HPS3: variants seen among roughly 807,000 people sequenced by gnomAD.
HPS3 encodes HPS3 biogenesis of lysosomal organelles complex 2 subunit 1.
A neutral mutation model predicts 110.9 loss-of-function variants in HPS3; 79 were observed. The ratio of observed to expected loss-of-function variants is 0.71; its 90% CI spans 0.59 to 0.86. The LOEUF is 0.86. HPS3 is among the 40% of genes least tolerant of loss of function. The probability of loss-of-function intolerance (pLI) is 0.00; values close to 1 mark genes in which losing one functional copy is unlikely to be tolerated. For synonymous variants in HPS3, 428 were observed against 451.0 expected, an observed-to-expected ratio of 0.95 and a Z score of 0.65; for missense variants, 1,197 against 1,206.2, an observed-to-expected ratio of 0.99 and a Z score of 0.11.
At position 149,162,231 on chromosome 3, in the gene HPS3, A is replaced by C. The variant is rs752352821; in HGVS notation, c.2190A>C (p.Ala730=). Residue 730 remains alanine, a synonymous_variant, in exon 12 of 17, where the codon GCA becomes GCC. Transcript: ENST00000296051. ...GACAGATTGTTCCAACCGAGCTTGC[A>C]CTTCACTTGAAGGAAACTCAGCCTG... ...RKGQIVPTEL[A]LHLKETQPGL... 3 of 1,614,028 alleles carry C rather than the reference A, an allele frequency of 1.9e-6. No homozygotes were observed. The Admixed American group carries it at 5.0e-5, about 27-fold the overall frequency.
chr3:149,171,770 T>C (rs1725016137), intron 16 of HPS3, among the ~76,000 whole-genome samples: 1 of 143,990 alleles, frequency 6.9e-6, no homozygotes, highest in Non-Finnish European at 1.5e-5. Context: ...AGTGGTGCAA[T>C]CTCAACTCAC....
chr3:149,159,900 T>A (rs372523075), intron 10 of HPS3, 146 bp from the exon 11 acceptor site: 1 of 663,968 alleles, frequency 1.5e-6, no homozygotes. Flanking sequence ...AGTTTTTGTC[T>A]TTTTAAAATT....
chr3:149,150,792 T>C lies in HPS3; in HGVS notation c.1245+112T>C, dbSNP rs79198719. On this transcript the variant is annotated intron_variant, in intron 6 of 16. Transcript: ENST00000296051. Reference sequence around the variant, plus strand: ...AGGCAAGAACAAAAGAGCTTAAGGTTGTCTAATGTATTGAATTAGAACTTT... The same window carrying C: ...AGGCAAGAACAAAAGAGCTTAAGGTCGTCTAATGTATTGAATTAGAACTTT... 1,329 of 844,402 alleles carry C rather than the reference T, an allele frequency of 1.6e-3. 10 individuals are homozygous for C. The African/African-American group carries it at 0.019, about 12-fold the overall frequency. The allele number at this position is 844,402 out of a possible 1,614,324, so 52.3% of individuals were successfully genotyped here. A position where few individuals can be genotyped will look rare whatever the true frequency, so the allele number is the denominator to read the frequency against.
intron 4 of HPS3, 145 bp from the exon 5 acceptor site, chr3:149,145,209 A>G: frequency 1.5e-6 from 1 of 664,972 alleles, no homozygotes; most frequent in Non-Finnish European, 2.7e-6. Flanking sequence ...ATTTCTTACC[A>G]ACATTCTTCT....
At chr3:149,152,892 T>C (rs982090872) in intron 6 of HPS3, among the ~76,000 whole-genome samples, 1 of 152,210 alleles carries the variant, frequency 6.6e-6, no homozygotes, top group Non-Finnish European at 1.5e-5. Context: ...AGCAAAAGGC[T>C]GGCTCCTCTA....
intron 6 of HPS3, among the ~76,000 whole-genome samples, chr3:149,151,403 C>T (rs1723102217): frequency 6.6e-6 from 1 of 151,530 alleles, no homozygotes; most frequent in South Asian, 2.1e-4. Context: ...GTCCAGAAAT[C>T]AATATACTTA....
intron 9 of HPS3, 38 bp from the exon 10 acceptor site, chr3:149,158,628 A>C (rs1723600813): frequency 6.3e-7 from 1 of 1,587,146 alleles, no homozygotes. Flanking sequence ...TCTTTAAAAA[A>C]GTGACAAATT....
chr3:149,149,566 C>T (rs1722980279), intron 5 of HPS3, among the ~76,000 whole-genome samples: 1 of 152,120 alleles, frequency 6.6e-6, no homozygotes, highest in South Asian at 2.1e-4. Flanking sequence ...TGCTAAGCCT[C>T]CTAACTGAAA....
chr3:149,158,034 G>A (rs1315368074), intron 9 of HPS3, among the ~76,000 whole-genome samples: 2 of 152,162 alleles, frequency 1.3e-5, no homozygotes, highest in African/African-American at 2.4e-5. Context: ...TCATTAGAGA[G>A]GTATGACTAG....
At chr3:149,160,009 ACCTTTTATT>A (rs1395256052) in intron 10 of HPS3, 28 bp from the exon 11 acceptor site, 7 of 1,478,152 alleles carry the variant, frequency 4.7e-6, no homozygotes, top group East Asian at 4.5e-5. Context: ...TGGCTGACTG[ACCTTTTATT>A]CCTTTTATTC....
Position 149,140,296 on chromosome 3 carries a change from C to A in HPS3, c.510C>A (p.Phe170Leu), listed in dbSNP as rs1036366561. The A allele has an allele frequency of 6.2e-7, 1 of 1,613,782 alleles. No homozygotes were observed. The highest frequency in any genetic ancestry group is 8.5e-7 in the Non-Finnish European group (1 of 1,179,682). ...AGTACCAGATCATTAATGAGGAATT[C>A]TCACTATTGGACTTTGAACGTTCTT... ...SLKYQIINEE[F>L]SLLDFERSLI... The change falls in exon 2 of 17, where the codon TTC becomes TTA. Residue 170 changes from phenylalanine to leucine, a missense_variant. By Grantham distance (22) the Phe-to-Leu change is conservative (BLOSUM62 0). Transcript: ENST00000296051.
At chr3:149,137,686 G>C (rs954227028) in intron 1 of HPS3, among the ~76,000 whole-genome samples, 1 of 152,150 alleles carries the variant, frequency 6.6e-6, no homozygotes, top group African/African-American at 2.4e-5. Context: ...ATAAATCTTA[G>C]AGAAGTTATG....
In HPS3 at chr3:149,140,462, C is replaced by G; in HGVS notation, c.676C>G (p.His226Asp). 2 of 1,614,090 alleles carry G rather than the reference C, an allele frequency of 1.2e-6. No individual in the cohort carries two copies. The highest frequency in any genetic ancestry group is 1.7e-6 in the Non-Finnish European group (2 of 1,179,982). ...TGGAGAGAGAGTTCACCACCATCCA[C>G]ATAAGACCAACAATCGAATAAGACG... ...KNGERVHHHPHKTNNRIRRTE... is the reference protein window; with the variant it reads ...KNGERVHHHPDKTNNRIRRTE... The change falls in exon 2 of 17, where the codon CAT becomes GAT. Residue 226 changes from histidine to aspartate, a missense_variant. Physicochemically the swap from His to Asp is moderately conservative, Grantham distance 81. Transcript: ENST00000296051.
intron 1 of HPS3, among the ~76,000 whole-genome samples, chr3:149,133,654 C>T (rs559659996): frequency 6.6e-6 from 1 of 152,300 alleles, no homozygotes; most frequent in South Asian, 2.1e-4. Context: ...CAGTGACCAC[C>T]ACCCTGATCA....
chr3:149,170,973 C>A (rs542652626), intron 16 of HPS3, among the ~76,000 whole-genome samples: 118 of 152,122 alleles, frequency 7.8e-4, no homozygotes, highest in Non-Finnish European at 1.4e-3. Flanking sequence ...ATGTTACATT[C>A]CTTAATATTT....
intron 6 of HPS3, among the ~76,000 whole-genome samples, chr3:149,151,774 T>C (rs1723146936): frequency 6.6e-6 from 1 of 152,150 alleles, no homozygotes; most frequent in Non-Finnish European, 1.5e-5. Context: ...GGATATTTGT[T>C]AGGAATATAC....
chr3:149,153,127 G>A (rs962050747), intron 6 of HPS3, among the ~76,000 whole-genome samples: 1 of 152,226 alleles, frequency 6.6e-6, no homozygotes, highest in African/African-American at 2.4e-5. Flanking sequence ...AGTTGTGGGG[G>A]TTTCCCTGGG....
rs750402363 is a variant in HPS3, at chr3:149,141,023, G to A, written c.719G>A (p.Ser240Asn). The A allele has an allele frequency of 3.3e-5, 54 of 1,613,696 alleles. 2 individuals carry two copies. In the East Asian group the frequency reaches 1.1e-3, roughly 33 times the overall value. The stretch of plus-strand genomic sequence containing the variant: ...TACATTTTATTTTTTTAAGGCATCA[G>A]TAATGAAATTTCACAGCTTGAGTCA... The part of the protein sequence containing the change: ...NRIRRTEEGI[S>N]NEISQLESDD... The change falls in exon 3 of 17, where the codon AGT becomes AAT. Residue 240 changes from serine (S) to asparagine (N), a missense_variant. Ser to Asn is a conservative substitution (Grantham distance 46, BLOSUM62 1). Transcript: ENST00000296051.
At chr3:149,151,027 A>T (rs1026151689) in intron 6 of HPS3, among the ~76,000 whole-genome samples, 3 of 151,610 alleles carry the variant, frequency 2.0e-5, no homozygotes, top group Admixed American at 6.6e-5. Flanking sequence ...AATTTTTTCG[A>T]GGCAGGGTCT....
Sources: gnomAD v4.1 joint callset for allele counts (sites outside exome capture counted in the v4.1 genomes callset) on GRCh38, gnomAD v4.1.1 for gene constraint, MANE v1.5 for transcripts, NCBI Gene and HGNC (gene_info 2026-07-23, HGNC 2026-07-21) for gene names.